The following PIWIL4 variants were observed in gnomAD, a reference collection of about 807,000 sequenced individuals.
The protein encoded by PIWIL4 is piwi-like protein 4.
PIWIL4 carries 50 observed loss-of-function variants against 100.9 expected under a neutral mutation model. That is an observed-to-expected ratio of 0.50 (90% confidence interval 0.39 to 0.63). PIWIL4 has a LOEUF of 0.63. PIWIL4 is among the 20% of genes least tolerant of loss of function. The pLI, the probability that PIWIL4 is intolerant of heterozygous loss-of-function variation, is 0.00. For missense variants in PIWIL4, 887 were observed against 1,043.3 expected (o/e 0.85, Z 2.06); for synonymous variants, 342 against 367.5 (o/e 0.93, Z 0.79).
At chr11:94,590,273 C>T (rs1948465583) in intron 8 of PIWIL4, among the ~76,000 whole-genome samples, 1 of 152,156 alleles carries the variant, frequency 6.6e-6, no homozygotes, top group South Asian at 2.1e-4. Flanking sequence ...CTGTTCTTAT[C>T]CTAAAGGGCT....
chr11:94,590,080 A>G (rs891299713), intron 8 of PIWIL4, among the ~76,000 whole-genome samples: 1 of 152,216 alleles, frequency 6.6e-6, no homozygotes, highest in South Asian at 2.1e-4. Flanking sequence ...ACAAACAAAA[A>G]CAAAAACCCT....
chr11:94,591,099 G>A (rs562382371), intron 8 of PIWIL4, among the ~76,000 whole-genome samples: 4 of 152,308 alleles, frequency 2.6e-5, no homozygotes, highest in African/African-American at 9.6e-5. Context: ...GTGAGCACTG[G>A]GAGAACAGTG....
intron 17 of PIWIL4, 115 bp from the exon 18 acceptor site, chr11:94,619,645 T>G (rs1419605845): frequency 6.7e-6 from 8 of 1,185,628 alleles, no homozygotes; most frequent in Non-Finnish European, 9.3e-6. Context: ...ATTTTCTGTT[T>G]TGCAGTGTTT....
At chr11:94,599,427 C>A (rs111430116) in intron 11 of PIWIL4, among the ~76,000 whole-genome samples, 73 of 152,294 alleles carry the variant, frequency 4.8e-4, no homozygotes, top group African/African-American at 1.5e-3. Context: ...GTCCTAGGAA[C>A]TGAATGAACT....
Position 94,609,907 on chromosome 11 carries a change from ACT to A in PIWIL4, c.1943+1226_1943+1227del, listed in dbSNP as rs775991510. Among the ~76,000 whole-genome samples the A allele has an allele frequency of 4.0e-5, 6 of 151,870 alleles. No homozygotes were observed. The East Asian group carries it at 7.7e-4, about 20-fold the overall frequency. Reference sequence around the variant, plus strand: ...TGTGTGGTGAGACTACTTAAGATCTACTCTCTTAGCAAATTTCAACTATACAA... The same window carrying A: ...TGTGTGGTGAGACTACTTAAGATCTACTCTTAGCAAATTTCAACTATACAA... On this transcript the variant is annotated intron_variant, in intron 15 of 19. Coordinates refer to ENST00000299001, the MANE Select transcript of PIWIL4 (RefSeq NM_152431.3).
At chr11:94,613,547 A>G (rs191651758) in intron 15 of PIWIL4, among the ~76,000 whole-genome samples, 2 of 152,178 alleles carry the variant, frequency 1.3e-5, no homozygotes, top group East Asian at 3.9e-4. Context: ...TAAGCTTTCC[A>G]CCTATCTCTG....
rs547137578 is a variant in PIWIL4, at chr11:94,603,858, C to G, written c.1566-126C>G. 3 of 585,568 alleles carry G rather than the reference C, an allele frequency of 5.1e-6. No homozygotes were observed. The East Asian group carries it at 1.0e-4, about 19-fold the overall frequency. 36.3% of individuals were successfully genotyped at this position (585,568 alleles called of 1,614,324 possible). A position where few individuals can be genotyped will look rare whatever the true frequency, so the allele number is the denominator to read the frequency against. The stretch of plus-strand genomic sequence containing the variant: ...AATTTTAGACTCAAAAGGTTATTTT[C>G]TCTAATAATTTTTCCTAAAACTACT... On this transcript the variant is annotated intron_variant, in intron 12 of 19. Transcript: ENST00000299001.
intron 9 of PIWIL4, 31 bp downstream of exon 9, chr11:94,593,672 C>A: frequency 3.7e-6 from 6 of 1,608,702 alleles, no homozygotes; most frequent in African/African-American, 1.3e-5. Context: ...CTCTGTCAGG[C>A]TCCTGGATAC....
At chr11:94,609,434 G>A (rs1334200613) in intron 15 of PIWIL4, among the ~76,000 whole-genome samples, 1 of 152,098 alleles carries the variant, frequency 6.6e-6, no homozygotes, top group Non-Finnish European at 1.5e-5. Flanking sequence ...TTTGCAAAAT[G>A]TTTTCTTCCT....
chr11:94,610,016 C>T (rs1461322731), intron 15 of PIWIL4, among the ~76,000 whole-genome samples: 2 of 152,106 alleles, frequency 1.3e-5, no homozygotes, highest in Non-Finnish European at 2.9e-5. Flanking sequence ...AGTTTGTACC[C>T]TTCAAACAAC....
In PIWIL4 at chr11:94,570,028, G is replaced by A. The variant is rs373626644; in HGVS notation, c.166+1220G>A. Among the ~76,000 whole-genome samples the A allele has an allele frequency of 3.9e-5, 6 of 152,252 alleles. No individual in the cohort carries two copies. In the East Asian group the frequency reaches 9.7e-4, roughly 25 times the overall value. On this transcript the variant is annotated intron_variant, in intron 2 of 19. Transcript: ENST00000299001. ...GCCAATGCCATTGCTTGGAAGGATGGTAGAAACCTGGTATCTACCAGTGCA... is the reference window on the plus strand; with the variant it reads ...GCCAATGCCATTGCTTGGAAGGATGATAGAAACCTGGTATCTACCAGTGCA...
intron 2 of PIWIL4, 144 bp from the exon 3 acceptor site, chr11:94,574,854 TA>T: frequency 1.3e-6 from 1 of 781,820 alleles, no homozygotes. Context: ...AAGACTTCTG[TA>T]ATAGTCATGA....
At chr11:94,601,073 C>T (rs768330566) in intron 11 of PIWIL4, among the ~76,000 whole-genome samples, 2 of 149,580 alleles carry the variant, frequency 1.3e-5, no homozygotes, top group South Asian at 2.1e-4. Context: ...ATGCATCCTC[C>T]TCGGCTTACG....
intron 4 of PIWIL4, among the ~76,000 whole-genome samples, chr11:94,582,967 T>C (rs554970064): frequency 8.5e-5 from 13 of 152,164 alleles, no homozygotes; most frequent in African/African-American, 3.1e-4. Flanking sequence ...AGTCCACTAG[T>C]GGGCTTCTGA....
At position 94,577,317 on chromosome 11, in the gene PIWIL4, T is replaced by G; in HGVS notation, c.338T>G (p.Phe113Cys). 1 of 1,614,100 alleles carries G rather than the reference T, an allele frequency of 6.2e-7. No individual in the cohort carries two copies. Among genetic ancestry groups the G allele is most frequent in the Non-Finnish European group, 8.5e-7 (1 of 1,179,996 alleles). ...CCTGTGAAACTGGTTACAAACCTCT[T>G]TAACTTAGATTTTCCCCAAGACTGG... ...GIPVKLVTNLFNLDFPQDWQL... is the reference protein window; with the variant it reads ...GIPVKLVTNLCNLDFPQDWQL... The change falls in exon 4 of 20, where the codon TTT (phenylalanine) becomes TGT (cysteine). Residue 113 changes from phenylalanine to cysteine, a missense_variant. This residue lies in a region of PIWIL4 where 741 missense variants were observed against 930.0 expected (regional missense o/e 0.80). Transcript: ENST00000299001.
rs570521285 is a variant in PIWIL4 at position 94,616,504 on chromosome 11, G to A, written c.1955G>A (p.Arg652His). Residue 652 changes from arginine to histidine, a missense_variant, in exon 16 of 20, where the codon CGC becomes CAC. Transcript: ENST00000299001. Reference sequence around the variant, plus strand: ...TTTTTTAACTTTAGGTGGTTTTCCCGCTGTATCCTTCAGAGAACAATGACT... The same window carrying A: ...TTTTTTAACTTTAGGTGGTTTTCCCACTGTATCCTTCAGAGAACAATGACT... ...VNPRITRWFS[R>H]CILQRTMTDV... 127 of 1,598,402 alleles carry A rather than the reference G, an allele frequency of 7.9e-5. No homozygotes were observed. In the Middle Eastern group the frequency reaches 1.0e-3, roughly 13 times the overall value.
rs748495129 is a variant in PIWIL4 at position 94,595,316 on chromosome 11, T to A, written c.1158T>A (p.Thr386=). ...TTCATTTGCATTTAATAGGGCTGAC[T>A]GACCAGGCAACATCTGATTTCCAGC... ...IPELCFLTGL[T]DQATSDFQLM... is the part of the protein sequence containing the mutation. Residue 386 remains threonine (T), a synonymous_variant, in exon 10 of 20, where the codon ACT becomes ACA. Coordinates refer to ENST00000299001, the MANE Select transcript of PIWIL4 (RefSeq NM_152431.3). The A allele has an allele frequency of 1.2e-6, 2 of 1,613,324 alleles. No homozygotes were observed. Among genetic ancestry groups the A allele is most frequent in the East Asian group, 4.5e-5 (2 of 44,864 alleles).
At chr11:94,595,732 C>G (rs1948548843) in intron 10 of PIWIL4, among the ~76,000 whole-genome samples, 1 of 152,166 alleles carries the variant, frequency 6.6e-6, no homozygotes, top group Admixed American at 6.5e-5. Context: ...TAAACAATAA[C>G]AACAACCTTC....
chr11:94,620,848 A>G, intron 19 of PIWIL4, 28 bp from the exon 20 acceptor site: 2 of 1,525,322 alleles, frequency 1.3e-6, no homozygotes, highest in Non-Finnish European at 1.8e-6. Context: ...TAATCTCTTA[A>G]TTATTATCAA....
Sources: allele counts gnomAD v4.1 joint callset (sites outside exome capture counted in the v4.1 genomes callset), GRCh38; gene constraint gnomAD v4.1.1; regional missense constraint gnomAD v4.1.1; transcripts MANE v1.5; gene names NCBI Gene and HGNC (gene_info 2026-07-23, HGNC 2026-07-21).